Variants in ATP10D observed in about 807,000 individuals in gnomAD.
ATP10D encodes the protein ATPase phospholipid transporting 10D (putative), also known as phospholipid-transporting ATPase VD.
In ATP10D, 89 loss-of-function variants were observed where a neutral mutation model predicts 144.8. That is an observed-to-expected ratio of 0.61 (90% CI 0.52 to 0.73). The LOEUF (loss-of-function observed/expected upper bound fraction) is 0.73. Among genes scored for constraint, ATP10D ranks in the 30% least tolerant of loss-of-function variants. The probability of loss-of-function intolerance (pLI) is 0.00; values close to 1 mark genes in which losing one functional copy is unlikely to be tolerated. For synonymous variants in ATP10D, 571 were observed against 615.1 expected (o/e 0.93, Z 1.06); for missense variants, 1,603 against 1,714.8 (o/e 0.93, Z 1.15).
intron 1 of ATP10D, among the ~76,000 whole-genome samples, chr4:47,508,650 T>C (rs1046720501): frequency 6.6e-6 from 1 of 152,254 alleles, no homozygotes; most frequent in African/African-American, 2.4e-5. Flanking sequence ...TCAAGGTCCA[T>C]AGTAACCTCT....
intron 9 of ATP10D, among the ~76,000 whole-genome samples, chr4:47,538,789 T>C (rs919992650): frequency 6.6e-6 from 1 of 152,208 alleles, no homozygotes; most frequent in Non-Finnish European, 1.5e-5. Flanking sequence ...GCTTGCTGTT[T>C]CCTGCCAAAC....
chr4:47,502,951 C>T (rs972403582), intron 1 of ATP10D, among the ~76,000 whole-genome samples: 2 of 152,170 alleles, frequency 1.3e-5, no homozygotes, highest in African/African-American at 4.8e-5. Context: ...CCTGTAATCC[C>T]AGTACTTTGG....
At chr4:47,569,536 GTGCC>G (rs1719833755) in intron 16 of ATP10D, among the ~76,000 whole-genome samples, 1 of 152,126 alleles carries the variant, frequency 6.6e-6, no homozygotes, top group African/African-American at 2.4e-5. Context: ...TATTTATCAA[GTGCC>G]TTTTTTGTAC....
Position 47,591,094 on chromosome 4 carries a change from G to T in ATP10D, c.3994G>T (p.Ala1332Ser), listed in dbSNP as rs867726239. 2 of 1,613,012 alleles carry T rather than the reference G, an allele frequency of 1.2e-6. No homozygotes were observed. Among genetic ancestry groups the T allele is most frequent in the Non-Finnish European group, 1.7e-6 (2 of 1,179,388 alleles). The change falls in exon 23 of 23, where the codon GCT becomes TCT. Residue 1332 changes from alanine (A) to serine (S), a missense_variant. By Grantham distance (99) the Ala-to-Ser change is moderately conservative. Coordinates refer to ENST00000273859, the MANE Select transcript of ATP10D (RefSeq NM_020453.4). The part of the protein sequence containing the change: ...GSLFPSPILR[A>S]KHFDRLTPEE... ...CCTGTTTCCATCTCCAATTCTGAGA[G>T]CTAAGCACTTTGACAGACTAACTCC...
rs765901941 is a variant in ATP10D at position 47,582,039 on chromosome 4, A to G, written c.3728A>G (p.His1243Arg). The change falls in exon 21 of 23, where the codon CAT becomes CGT. Residue 1243 changes from histidine to arginine, a missense_variant. By Grantham distance (29) the His-to-Arg change is conservative. Coordinates refer to ENST00000273859, the MANE Select transcript of ATP10D (RefSeq NM_020453.4). ...GCCGCTCTGTTCATCGTTCTCCTCC[A>G]TCTGGTCATTGAAAGCAAGAGTTTG... ...NTAALFIVLL[H>R]LVIESKSLTW... 6.2e-7 allele frequency: 1 copy of G among 1,613,812 alleles called. No individual in the cohort carries two copies. Among genetic ancestry groups the G allele is most frequent in the African/African-American group, 1.3e-5 (1 of 74,888 alleles).
chr4:47,559,038 G>C lies in ATP10D; in HGVS notation c.2541+9G>C. On this transcript the variant is annotated intron_variant, in intron 13 of 22. Coordinates refer to ENST00000273859, the MANE Select transcript of ATP10D (RefSeq NM_020453.4). Reference sequence around the variant, plus strand: ...TATGTATAGCAAAGAAGGTGAGACTGCTTAGTGCGCTCCATCTTTTTTGTT... The same window carrying C: ...TATGTATAGCAAAGAAGGTGAGACTCCTTAGTGCGCTCCATCTTTTTTGTT... 6.3e-7 allele frequency: 1 copy of C among 1,597,920 alleles called. No individual in the cohort carries two copies.
At chr4:47,579,068 C>A (rs1360872883) in intron 19 of ATP10D, among the ~76,000 whole-genome samples, 1 of 152,124 alleles carries the variant, frequency 6.6e-6, no homozygotes. Context: ...TTGTTCATGG[C>A]AGATATCACT....
intron 1 of ATP10D, among the ~76,000 whole-genome samples, chr4:47,503,904 A>C (rs1270828726): frequency 6.6e-6 from 1 of 151,484 alleles, no homozygotes; most frequent in African/African-American, 2.4e-5. Context: ...TCTAAAAAAA[A>C]ATAATAAATA....
chr4:47,583,657 C>A (rs1339561336), intron 21 of ATP10D, among the ~76,000 whole-genome samples: 1 of 152,096 alleles, frequency 6.6e-6, no homozygotes, highest in Non-Finnish European at 1.5e-5. Flanking sequence ...TGAGAAAATG[C>A]CAAAGGTTCT....
At chr4:47,493,966 G>T (rs1715219551) in intron 1 of ATP10D, among the ~76,000 whole-genome samples, 1 of 152,166 alleles carries the variant, frequency 6.6e-6, no homozygotes, top group Middle Eastern at 3.4e-3. Flanking sequence ...AAGGTCTCTG[G>T]GAAAGGGGAT....
At chr4:47,584,550 G>A (rs1469008146) in intron 21 of ATP10D, among the ~76,000 whole-genome samples, 8 of 151,796 alleles carry the variant, frequency 5.3e-5, no homozygotes, top group African/African-American at 1.5e-4. Context: ...CCACCACCAC[G>A]CCCCGCTAAT....
intron 20 of ATP10D, 101 bp downstream of exon 20, chr4:47,580,579 A>G (rs528321600): frequency 2.0e-6 from 2 of 1,024,112 alleles, no homozygotes; most frequent in East Asian, 2.4e-5. Context: ...GATTGCTCAT[A>G]TAATCAGGTT....
At chr4:47,590,862 A>G (rs996066089) in intron 22 of ATP10D, among the ~76,000 whole-genome samples, 180 bp from the exon 23 acceptor site, 3 of 151,940 alleles carry the variant, frequency 2.0e-5, no homozygotes, top group African/African-American at 7.2e-5. Context: ...ACAAATATTA[A>G]TTTATTTAAT....
chr4:47,576,938 C>T lies in ATP10D; in HGVS notation c.3532C>T (p.Leu1178=), dbSNP rs1720271876. ...KDVSAETLMQ[L]PELYRSGQKS... is the part of the protein sequence containing the mutation. Reference sequence around the variant, plus strand: ...TGTGTCTGCAGAGACCCTCATGCAACTGCCTGAACTTTACAGAAGTGGTCA... The same window carrying T: ...TGTGTCTGCAGAGACCCTCATGCAATTGCCTGAACTTTACAGAAGTGGTCA... The change falls in exon 19 of 23, where the codon CTG becomes TTG. Residue 1178 remains leucine (L), a synonymous_variant. Transcript: ENST00000273859. 5 of 1,614,172 alleles carry T rather than the reference C, an allele frequency of 3.1e-6. No individual in the cohort carries two copies. Among genetic ancestry groups the T allele is most frequent in the Admixed American group, 1.7e-5 (1 of 60,020 alleles).
chr4:47,575,411 CTA>C, intron 18 of ATP10D, among the ~76,000 whole-genome samples: 1 of 152,312 alleles, frequency 6.6e-6, no homozygotes, highest in Non-Finnish European at 1.5e-5. Flanking sequence ...GGGTCACCAA[CTA>C]TCCTGGTTTT....
At position 47,523,224 on chromosome 4, in the gene ATP10D, A is replaced by G. The variant is rs778613634; in HGVS notation, c.690+8A>G. The G allele has an allele frequency of 1.9e-6, 3 of 1,612,002 alleles. No individual in the cohort carries two copies. The highest frequency in any genetic ancestry group is 1.1e-5 in the South Asian group (1 of 91,000). Reference sequence around the variant, plus strand: ...CGGGGATATGCAGAACAGGTAAGTCATATGTTCTCAGTTAGTGGCTTATTA... The same window carrying G: ...CGGGGATATGCAGAACAGGTAAGTCGTATGTTCTCAGTTAGTGGCTTATTA... On this transcript the variant is annotated splice_region_variant and intron_variant, in intron 4 of 22. Coordinates refer to ENST00000273859, the MANE Select transcript of ATP10D (RefSeq NM_020453.4).
chr4:47,571,283 A>G (rs979917380), intron 16 of ATP10D, among the ~76,000 whole-genome samples: 2 of 148,460 alleles, frequency 1.3e-5, no homozygotes, highest in East Asian at 3.9e-4. Context: ...TTATTACATT[A>G]TAATTATATT....
intron 2 of ATP10D, 107 bp downstream of exon 2, chr4:47,512,937 C>T: frequency 9.1e-7 from 1 of 1,102,794 alleles, no homozygotes; most frequent in Non-Finnish European, 1.3e-6. Flanking sequence ...AGACATGTGA[C>T]ATCATCCTTG....
intron 21 of ATP10D, chr4:47,583,265 T>C (rs974460856): frequency 6.6e-6 from 1 of 152,224 alleles, no homozygotes; most frequent in African/African-American, 2.4e-5. Context: ...AGGACAAGAC[T>C]GACACACAGC....
Sources: allele counts gnomAD v4.1 joint callset (sites outside exome capture counted in the v4.1 genomes callset), GRCh38; gene constraint gnomAD v4.1.1; transcripts MANE v1.5; gene names NCBI Gene and HGNC (gene_info 2026-07-23, HGNC 2026-07-21).